Variants in ESM1 observed in about 807,000 individuals in gnomAD.
The protein encoded by ESM1 is endothelial cell specific molecule 1.
ESM1 carries 7 observed loss-of-function variants against 14.9 expected under a neutral mutation model. The ratio of observed to expected loss-of-function variants is 0.47; its 90% CI spans 0.27 to 0.88. The LOEUF (loss-of-function observed/expected upper bound fraction) is 0.88. Among genes scored for constraint, ESM1 ranks in the 40% least tolerant of loss-of-function variants. The probability of loss-of-function intolerance (pLI) is 0.14; values close to 1 mark genes in which losing one functional copy is unlikely to be tolerated. For synonymous variants in ESM1, 89 were observed against 89.4 expected, an observed-to-expected ratio of 1.00 and a Z score of 0.02; for missense variants, 192 against 237.9, an observed-to-expected ratio of 0.81 and a Z score of 1.27.
intron 2 of ESM1, among the ~76,000 whole-genome samples, chr5:54,980,851 AG>A (rs1480775177): frequency 6.6e-6 from 1 of 152,234 alleles, no homozygotes; most frequent in Non-Finnish European, 1.5e-5. Context: ...TTTGCCAAAT[AG>A]TTTATATTTT....
chr5:54,983,213 G>C (rs1740430845), intron 1 of ESM1, among the ~76,000 whole-genome samples: 1 of 152,140 alleles, frequency 6.6e-6, no homozygotes, highest in African/African-American at 2.4e-5. Flanking sequence ...TCAGATCACA[G>C]AGGAACCTGG....
intron 2 of ESM1, among the ~76,000 whole-genome samples, chr5:54,980,027 C>T (rs1053174931): frequency 6.6e-5 from 10 of 152,168 alleles, no homozygotes; most frequent in African/African-American, 2.4e-4. Flanking sequence ...GTGAGGTGTG[C>T]TTGCTTTGGC....
intron 1 of ESM1, among the ~76,000 whole-genome samples, chr5:54,982,892 T>C (rs901434518): frequency 5.3e-5 from 8 of 152,230 alleles, no homozygotes; most frequent in South Asian, 2.1e-4. Flanking sequence ...CTTACACTTA[T>C]GCCAAAACAT....
chr5:54,985,586 T>G lies in ESM1; in HGVS notation c.-69A>C. 4.9e-6 allele frequency: 7 copies of G among 1,435,928 alleles called. No homozygotes were observed. Among genetic ancestry groups the G allele is most frequent in the Non-Finnish European group, 6.6e-6 (7 of 1,058,336 alleles). The allele number at this position is 1,435,928 out of a possible 1,614,324, so 88.9% of individuals were successfully genotyped here. ...GCTGGTGGGAAGCAGCCGTCCAAAC[T>G]GGTAGCTGAGCCTCTGCCTACACGT... On this transcript the variant is annotated 5_prime_UTR_variant, in exon 1 of 3. Transcript: ENST00000381405.
intron 1 of ESM1, among the ~76,000 whole-genome samples, chr5:54,984,990 C>T (rs1740505544): frequency 6.6e-6 from 1 of 152,172 alleles, no homozygotes; most frequent in Non-Finnish European, 1.5e-5. Context: ...CCTAAGGCAA[C>T]GAGTAAAATG....
At position 54,985,211 on chromosome 5, in the gene ESM1, CT is replaced by C; in HGVS notation, c.301+5del. 1 of 1,603,194 alleles carries C rather than the reference CT, an allele frequency of 6.2e-7. No homozygotes were observed. On this transcript the variant is annotated splice_donor_5th_base_variant and intron_variant, in intron 1 of 2. Transcript: ENST00000381405. ...GGGAGGGGAGAGGTAAGGGGTCACT[CT>C]TTACCTTTGCAGATACCAAACTCTT...
intron 1 of ESM1, among the ~76,000 whole-genome samples, 157 bp from the exon 2 acceptor site, chr5:54,982,303 A>C (rs1025008945): frequency 2.0e-5 from 3 of 152,208 alleles, no homozygotes; most frequent in Non-Finnish European, 4.4e-5. Flanking sequence ...TGAAAGTTGA[A>C]ACTTTGAGTC....
At chr5:54,983,824 A>C (rs1352890299) in intron 1 of ESM1, among the ~76,000 whole-genome samples, 1 of 152,250 alleles carries the variant, frequency 6.6e-6, no homozygotes, top group Non-Finnish European at 1.5e-5. Context: ...TATTATGCCA[A>C]GAGAAAAAGC....
chr5:54,978,547 T>A lies in ESM1; in HGVS notation c.*785A>T, dbSNP rs1743982468. The A allele has an allele frequency of 6.6e-6, 1 of 152,104 alleles. No individual in the cohort carries two copies. Among genetic ancestry groups the A allele is most frequent in the Non-Finnish European group, 1.5e-5 (1 of 68,010 alleles). 9.4% of individuals were successfully genotyped at this position (152,104 alleles called of 1,614,324 possible). A position where few individuals can be genotyped will look rare whatever the true frequency, so the allele number is the denominator to read the frequency against. ...GCACTAACACATTTATTTATAAAAATATATAAATATTTACCTTCATACACA... is the reference window on the plus strand; with the variant it reads ...GCACTAACACATTTATTTATAAAAAAATATAAATATTTACCTTCATACACA... On this transcript the variant is annotated 3_prime_UTR_variant, in exon 3 of 3. Transcript: ENST00000381405.
At position 54,979,015 on chromosome 5, in the gene ESM1, C is replaced by G. The variant is rs1188949742; in HGVS notation, c.*317G>C. The G allele has an allele frequency of 4.6e-6, 1 of 215,466 alleles. No homozygotes were observed. The highest frequency in any genetic ancestry group is 2.3e-5 in the African/African-American group (1 of 42,854). 13.3% of individuals were successfully genotyped at this position (215,466 alleles called of 1,614,324 possible). On this transcript the variant is annotated 3_prime_UTR_variant, in exon 3 of 3. Coordinates refer to ENST00000381405, the MANE Select transcript of ESM1 (RefSeq NM_007036.5). ...TGACTCACTGCGGTCTTCAGCTTTG[C>G]CTAGCTCCCTCTTTGGTTGACCTGT...
At chr5:54,980,143 G>A (rs530338435) in intron 2 of ESM1, among the ~76,000 whole-genome samples, 29 of 152,172 alleles carry the variant, frequency 1.9e-4, no homozygotes, top group African/African-American at 6.7e-4. Flanking sequence ...CAAGACCCTC[G>A]TACACAAAAA....
chr5:54,979,538 T>A, intron 2 of ESM1, 103 bp from the exon 3 acceptor site: 1 of 768,294 alleles, frequency 1.3e-6, no homozygotes, highest in Non-Finnish European at 2.2e-6. Flanking sequence ...ATGAAATCTT[T>A]AATCAATTTA....
chr5:54,985,181 G>A (rs1288861593), intron 1 of ESM1, 36 bp downstream of exon 1: 2 of 1,540,394 alleles, frequency 1.3e-6, no homozygotes, highest in African/African-American at 1.4e-5. Context: ...CTCTCAGCAT[G>A]CCCCGGGAGG....
At chr5:54,982,475 CT>C (rs1215664991) in intron 1 of ESM1, among the ~76,000 whole-genome samples, 1 of 152,174 alleles carries the variant, frequency 6.6e-6, no homozygotes, top group African/African-American at 2.4e-5. Flanking sequence ...CACAGATGAC[CT>C]CTGTAACAGC....
At chr5:54,982,319 T>C (rs1003102572) in intron 1 of ESM1, among the ~76,000 whole-genome samples, 173 bp from the exon 2 acceptor site, 1 of 152,148 alleles carries the variant, frequency 6.6e-6, no homozygotes, top group Admixed American at 6.6e-5. Context: ...GAGTCATAAA[T>C]ATGAAATCAC....
rs1561245184 is a variant in ESM1, at chr5:54,985,285, C to G, written c.233G>C (p.Gly78Ala). 6.2e-6 allele frequency: 10 copies of G among 1,614,210 alleles called. No homozygotes were observed. Among genetic ancestry groups the G allele is most frequent in the Non-Finnish European group, 7.6e-6 (9 of 1,180,038 alleles). Residue 78 changes from glycine to alanine, a missense_variant, in exon 1 of 3, where the codon GGC becomes GCC. Transcript: ENST00000381405. ...TVSGMDGMKC[G>A]PGLRCQPSNG... ...AGAAGGCTGACACCTCAGCCCCGGG[C>G]CACACTTCATGCCATCCATGCCTGA...
In ESM1 at chr5:54,979,338, T is replaced by G. The variant is rs149329131; in HGVS notation, c.549A>C (p.Pro183=). Residue 183 remains proline, a synonymous_variant, in exon 3 of 3, where the codon CCA becomes CCC. Transcript: ENST00000381405. ...GSPVMRKWLN[P]R ...TCAGAAATCACAGCCGGGATCAGCG[T>G]GGATTTAACCATTTCCTCATTACGG... 9.2e-5 allele frequency: 149 copies of G among 1,611,550 alleles called. No individual in the cohort carries two copies. In the East Asian group the frequency reaches 2.8e-3, roughly 30 times the overall value.
chr5:54,981,309 G>A (rs1744047982), intron 2 of ESM1, among the ~76,000 whole-genome samples: 1 of 152,054 alleles, frequency 6.6e-6, no homozygotes, highest in South Asian at 2.1e-4. Context: ...CTCCTGTACT[G>A]GCCAGCTATT....
At chr5:54,980,426 C>A (rs913209588) in intron 2 of ESM1, among the ~76,000 whole-genome samples, 3 of 152,160 alleles carry the variant, frequency 2.0e-5, no homozygotes, top group African/African-American at 4.8e-5. Flanking sequence ...AACTCCAGTG[C>A]ATGAACCTGG....
Sources: gnomAD v4.1 joint callset for allele counts (sites outside exome capture counted in the v4.1 genomes callset) on GRCh38, gnomAD v4.1.1 for gene constraint, MANE v1.5 for transcripts, NCBI Gene and HGNC (gene_info 2026-07-23, HGNC 2026-07-21) for gene names.